KIF2A: variants seen among roughly 807,000 people sequenced by gnomAD.
KIF2A encodes kinesin-like protein KIF2A.
A neutral mutation model predicts 100.2 loss-of-function variants in KIF2A; 22 were observed. The ratio of observed to expected loss-of-function variants is 0.22; its 90% CI spans 0.16 to 0.31. The LOEUF (loss-of-function observed/expected upper bound fraction) is 0.31. Ranked by LOEUF, KIF2A falls within the 10% of genes least tolerant of loss-of-function variation. The pLI, the probability that KIF2A is intolerant of heterozygous loss-of-function variation, is 1.00. For missense variants in KIF2A, 495 were observed against 898.7 expected (o/e 0.55, Z 5.74); for synonymous variants, 268 against 285.9 (o/e 0.94, Z 0.63).
chr5:62,309,941 T>A (rs1431223632), intron 1 of KIF2A, among the ~76,000 whole-genome samples: 1 of 152,192 alleles, frequency 6.6e-6, no homozygotes, highest in African/African-American at 2.4e-5. Context: ...CATATTTCCT[T>A]AAGTATTAAT....
intron 1 of KIF2A, among the ~76,000 whole-genome samples, chr5:62,311,499 G>T (rs1745551112): frequency 6.6e-6 from 1 of 152,128 alleles, no homozygotes; most frequent in African/African-American, 2.4e-5. Flanking sequence ...AGATTTCAAA[G>T]GACCCATCAG....
chr5:62,360,782 CA>C lies in KIF2A; in HGVS notation c.873-459del. ...CTAATAGAATTCATTTTCCTACAAG[CA>C]CAATTTATATTCTTTTTGCTTAAGT... On this transcript the variant is annotated intron_variant, in intron 9 of 20. Coordinates refer to ENST00000407818, the MANE Select transcript of KIF2A (RefSeq NM_001098511.3). Among the ~76,000 whole-genome samples the C allele has an allele frequency of 2.6e-5, 4 of 152,282 alleles. No homozygotes were observed. In the South Asian group the frequency reaches 8.3e-4, roughly 32 times the overall value.
intron 7 of KIF2A, among the ~76,000 whole-genome samples, chr5:62,357,030 C>T (rs1159311824): frequency 6.6e-6 from 1 of 151,622 alleles, no homozygotes; most frequent in African/African-American, 2.4e-5. Context: ...AAGTGATCCA[C>T]CCACCTTAGC....
intron 7 of KIF2A, among the ~76,000 whole-genome samples, chr5:62,356,185 T>G (rs1378687699): frequency 1.3e-5 from 2 of 152,234 alleles, no homozygotes; most frequent in African/African-American, 2.4e-5. Flanking sequence ...AAAAAAGACA[T>G]TTGTGTTAGA....
chr5:62,364,787 C>A (rs1011731828), intron 14 of KIF2A, among the ~76,000 whole-genome samples: 5 of 151,606 alleles, frequency 3.3e-5, no homozygotes, highest in Non-Finnish European at 5.9e-5. Flanking sequence ...TTTATGGGAA[C>A]ATCTACACTA....
At chr5:62,341,475 A>T (rs200882538) in intron 1 of KIF2A, among the ~76,000 whole-genome samples, 4 of 150,970 alleles carry the variant, frequency 2.6e-5, no homozygotes, top group African/African-American at 7.3e-5. Context: ...TGATTTTTAA[A>T]TTTTTTTTAT....
In KIF2A at chr5:62,388,798, A is replaced by G; in HGVS notation, c.*3229A>G. Reference sequence around the variant, plus strand: ...TGAACTTGAAGATTATTATGAATAGATTGGACCAGCATTATATATTAAAAA... The same window carrying G: ...TGAACTTGAAGATTATTATGAATAGGTTGGACCAGCATTATATATTAAAAA... On this transcript the variant is annotated 3_prime_UTR_variant, in exon 21 of 21. Transcript: ENST00000407818. The G allele has an allele frequency of 1.7e-6, 1 of 577,098 alleles. No individual in the cohort carries two copies. The highest frequency in any genetic ancestry group is 3.1e-6 in the Non-Finnish European group (1 of 321,212). The allele number at this position is 577,098 out of a possible 1,614,324, so 35.7% of individuals were successfully genotyped here.
At chr5:62,317,248 G>T (rs932098427) in intron 1 of KIF2A, among the ~76,000 whole-genome samples, 1 of 152,034 alleles carries the variant, frequency 6.6e-6, no homozygotes, top group East Asian at 1.9e-4. Flanking sequence ...GGGTTTCTCC[G>T]TGTTGGTCAG....
chr5:62,311,107 A>G (rs1745533345), intron 1 of KIF2A, among the ~76,000 whole-genome samples: 1 of 152,162 alleles, frequency 6.6e-6, no homozygotes, highest in South Asian at 2.1e-4. Flanking sequence ...CATTTTTATA[A>G]ATGTGGAAAC....
At chr5:62,318,626 C>T (rs1373229331) in intron 1 of KIF2A, among the ~76,000 whole-genome samples, 1 of 151,770 alleles carries the variant, frequency 6.6e-6, no homozygotes, top group Non-Finnish European at 1.5e-5. Context: ...ATAAGTAGAG[C>T]TTCTTTTCCT....
chr5:62,364,411 G>A (rs779530138), intron 14 of KIF2A, among the ~76,000 whole-genome samples: 46 of 152,312 alleles, frequency 3.0e-4, no homozygotes, highest in Middle Eastern at 3.4e-3. Flanking sequence ...CTTCCAAAGT[G>A]CTGGGATTAC....
At chr5:62,316,652 G>A (rs1030556535) in intron 1 of KIF2A, among the ~76,000 whole-genome samples, 2 of 152,088 alleles carry the variant, frequency 1.3e-5, no homozygotes, top group Admixed American at 1.3e-4. Context: ...TGTAAACTAG[G>A]GACTTTGGGT....
At chr5:62,353,628 T>C (rs1355269253) in intron 6 of KIF2A, among the ~76,000 whole-genome samples, 2 of 152,176 alleles carry the variant, frequency 1.3e-5, no homozygotes, top group African/African-American at 4.8e-5. Context: ...GAAAAAGCCA[T>C]TGTGTTACAG....
At chr5:62,318,355 A>G (rs944738668) in intron 1 of KIF2A, among the ~76,000 whole-genome samples, 2 of 152,250 alleles carry the variant, frequency 1.3e-5, no homozygotes, top group African/African-American at 4.8e-5. Flanking sequence ...TGCTGGGATT[A>G]CAGGCGTGAG....
At chr5:62,325,770 C>T (rs906157664) in intron 1 of KIF2A, among the ~76,000 whole-genome samples, 13 of 152,242 alleles carry the variant, frequency 8.5e-5, no homozygotes, top group Non-Finnish European at 1.5e-4. Context: ...TTCAACCCAA[C>T]AATCCCACTA....
In KIF2A at chr5:62,352,719, A is replaced by AT. The variant is rs751115094; in HGVS notation, c.457+11dup. On this transcript the variant is annotated intron_variant, in intron 5 of 20. Coordinates refer to ENST00000407818, the MANE Select transcript of KIF2A (RefSeq NM_001098511.3). ...GGAATTTGGACCCCCTTGTATGTAAATTATGTATCAAGGATTTAGTCATTT... is the reference window on the plus strand; with the variant it reads ...GGAATTTGGACCCCCTTGTATGTAAATTTATGTATCAAGGATTTAGTCATTT... 2 of 1,608,224 alleles carry AT rather than the reference A, an allele frequency of 1.2e-6. No individual in the cohort carries two copies. Among genetic ancestry groups the AT allele is most frequent in the Admixed American group, 3.4e-5 (2 of 59,100 alleles).
intron 18 of KIF2A, among the ~76,000 whole-genome samples, 190 bp downstream of exon 18, chr5:62,374,027 T>C (rs1166547354): frequency 6.6e-6 from 1 of 151,962 alleles, no homozygotes; most frequent in Admixed American, 6.6e-5. Context: ...GCCTGGACAA[T>C]TTAATGAGAC....
At chr5:62,332,448 C>T (rs1746702265) in intron 1 of KIF2A, among the ~76,000 whole-genome samples, 1 of 152,030 alleles carries the variant, frequency 6.6e-6, no homozygotes, top group Non-Finnish European at 1.5e-5. Context: ...TTCGTCCTAA[C>T]AAAAAGTTGA....
chr5:62,323,303 AG>A (rs1746198861), intron 1 of KIF2A, among the ~76,000 whole-genome samples: 1 of 151,712 alleles, frequency 6.6e-6, no homozygotes, highest in Non-Finnish European at 1.5e-5. Flanking sequence ...GTATTAGAAA[AG>A]GTTTTTAAAA....
Sources: allele counts gnomAD v4.1 joint callset (sites outside exome capture counted in the v4.1 genomes callset), GRCh38; gene constraint gnomAD v4.1.1; transcripts MANE v1.5; gene names NCBI Gene and HGNC (gene_info 2026-07-23, HGNC 2026-07-21).